The following ADCY2 variants were observed in gnomAD, a reference collection of about 807,000 sequenced individuals.
ADCY2 encodes the protein adenylate cyclase type 2.
ADCY2 carries 31 observed loss-of-function variants against 125.2 expected under a neutral mutation model. The observed-to-expected ratio is 0.25, with a 90% CI of 0.19 to 0.33. ADCY2 has a LOEUF of 0.33. Ranked by LOEUF, ADCY2 falls within the 10% of genes least tolerant of loss-of-function variation. The pLI is 1.00. For synonymous variants in ADCY2, 512 were observed against 548.4 expected, an observed-to-expected ratio of 0.93 and a Z score of 0.93; for missense variants, 904 against 1,418.2, an observed-to-expected ratio of 0.64 and a Z score of 5.82.
chr5:7,707,044 C>G, intron 8 of ADCY2, 142 bp downstream of exon 8: 2 of 1,050,824 alleles, frequency 1.9e-6, no homozygotes, highest in East Asian at 5.2e-5. Context: ...CCAACGGCCT[C>G]TTATGTTAAG....
chr5:7,795,139 G>A (rs1579445054), intron 20 of ADCY2: 1 of 152,198 alleles, frequency 6.6e-6, no homozygotes, highest in Non-Finnish European at 1.5e-5. Context: ...TGAGAGCAAA[G>A]CATCTGTCCC....
At chr5:7,507,174 G>A (rs1743855693) in intron 2 of ADCY2, among the ~76,000 whole-genome samples, 1 of 150,394 alleles carries the variant, frequency 6.6e-6, no homozygotes, top group Non-Finnish European at 1.5e-5. Flanking sequence ...GGGCGCGGTG[G>A]CTCACGCCTG....
chr5:7,557,252 A>G (rs1015332861), intron 3 of ADCY2, among the ~76,000 whole-genome samples: 1 of 140,032 alleles, frequency 7.1e-6, no homozygotes, highest in African/African-American at 2.5e-5. Context: ...GAGATGCTCA[A>G]CCTCCCTAGT....
intron 2 of ADCY2, among the ~76,000 whole-genome samples, chr5:7,516,366 G>A (rs557543936): frequency 6.6e-6 from 1 of 152,302 alleles, no homozygotes; most frequent in East Asian, 1.9e-4. Context: ...GTGTGGGTGT[G>A]TGTTTCTGTA....
chr5:7,628,285 A>G (rs578016150), intron 4 of ADCY2, among the ~76,000 whole-genome samples: 1 of 152,338 alleles, frequency 6.6e-6, no homozygotes, highest in Admixed American at 6.5e-5. Context: ...CTCCTTCAAA[A>G]TAGCACTAAA....
intron 2 of ADCY2, among the ~76,000 whole-genome samples, chr5:7,442,694 T>C (rs1261515049): frequency 6.6e-6 from 1 of 152,220 alleles, no homozygotes. Flanking sequence ...CTTGAAATTA[T>C]CCTGTAAGGA....
intron 2 of ADCY2, among the ~76,000 whole-genome samples, chr5:7,478,271 C>A (rs557765510): frequency 6.6e-6 from 1 of 152,120 alleles, no homozygotes; most frequent in Non-Finnish European, 1.5e-5. Flanking sequence ...AAAGGGTTAA[C>A]AAGGATCTGG....
At chr5:7,668,900 C>G (rs1301897396) in intron 4 of ADCY2, among the ~76,000 whole-genome samples, 4 of 152,158 alleles carry the variant, frequency 2.6e-5, no homozygotes, top group African/African-American at 9.7e-5. Context: ...TGAAATCCAC[C>G]ATAGCTCCAG....
At chr5:7,407,258 A>G (rs974783894) in intron 1 of ADCY2, among the ~76,000 whole-genome samples, 3 of 152,240 alleles carry the variant, frequency 2.0e-5, no homozygotes, top group African/African-American at 7.2e-5. Context: ...GTTTGGGTGG[A>G]AAAGTCAGAA....
chr5:7,615,832 C>A (rs1290464673), intron 3 of ADCY2, among the ~76,000 whole-genome samples: 3 of 152,044 alleles, frequency 2.0e-5, no homozygotes, highest in African/African-American at 7.3e-5. Flanking sequence ...CAGTACGATG[C>A]AGATATTAAG....
At chr5:7,758,683 T>C (rs1388100635) in intron 16 of ADCY2, among the ~76,000 whole-genome samples, 5 of 151,676 alleles carry the variant, frequency 3.3e-5, no homozygotes, top group African/African-American at 1.2e-4. Context: ...ATCAAGTCAT[T>C]CTGAAATGAG....
At chr5:7,690,020 A>G (rs1325487920) in intron 4 of ADCY2, among the ~76,000 whole-genome samples, 4 of 152,250 alleles carry the variant, frequency 2.6e-5, no homozygotes, top group Non-Finnish European at 4.4e-5. Context: ...AATATTGTTT[A>G]CTAATATTTA....
intron 3 of ADCY2, among the ~76,000 whole-genome samples, chr5:7,589,458 AAAAGAAAGAAAGAAAGAAAG>A (rs369587426): frequency 1.2e-3 from 90 of 73,008 alleles, no homozygotes; most frequent in African/African-American, 4.5e-3. Flanking sequence ...GAAGGAAAGA[AAAAGAAAGAAAGAAAGAAAG>A]AAAGAAAGAA....
intron 24 of ADCY2, among the ~76,000 whole-genome samples, chr5:7,820,918 C>T (rs1390869371): frequency 1.3e-5 from 2 of 152,134 alleles, no homozygotes; most frequent in Non-Finnish European, 2.9e-5. Flanking sequence ...TTTGTGAAAA[C>T]AAATGATCCA....
At chr5:7,704,585 CAT>C (rs1272081697) in intron 7 of ADCY2, among the ~76,000 whole-genome samples, 2 of 152,090 alleles carry the variant, frequency 1.3e-5, no homozygotes, top group Admixed American at 6.5e-5. Flanking sequence ...TGCAACAAAA[CAT>C]GTGGCTAGTT....
intron 2 of ADCY2, among the ~76,000 whole-genome samples, chr5:7,420,234 T>G (rs1212701733): frequency 1.3e-5 from 2 of 152,092 alleles, no homozygotes; most frequent in Non-Finnish European, 2.9e-5. Flanking sequence ...AAGCCGCATA[T>G]CACCCAACAT....
rs114466838 is a variant in ADCY2 at position 7,480,475 on chromosome 5, A to G, written c.409-40263A>G. Reference sequence around the variant, plus strand: ...AGGGATATGGATGGACCTGGAGACCATTATCCTTAGAAGACTAATACATGA... The same window carrying G: ...AGGGATATGGATGGACCTGGAGACCGTTATCCTTAGAAGACTAATACATGA... On this transcript the variant is annotated intron_variant, in intron 2 of 24. Transcript: ENST00000338316. Among the ~76,000 whole-genome samples, 620 of 152,328 alleles carry G rather than the reference A, an allele frequency of 4.1e-3. 3 individuals are homozygous for G. Among genetic ancestry groups the G allele is most frequent in the Non-Finnish European group, 6.5e-3 (444 of 68,026 alleles).
intron 18 of ADCY2, among the ~76,000 whole-genome samples, chr5:7,777,055 C>A (rs1225147808): frequency 6.7e-6 from 1 of 149,226 alleles, no homozygotes; most frequent in African/African-American, 2.5e-5. Context: ...AAACTCCCTT[C>A]TATATATATA....
At chr5:7,416,588 A>G (rs547938237) in intron 2 of ADCY2, among the ~76,000 whole-genome samples, 37 of 152,374 alleles carry the variant, frequency 2.4e-4, no homozygotes, top group African/African-American at 8.4e-4. Context: ...TACTATCTAT[A>G]CAAATAAACT....
Sources: allele counts gnomAD v4.1 joint callset (sites outside exome capture counted in the v4.1 genomes callset), GRCh38; gene constraint gnomAD v4.1.1; transcripts MANE v1.5; gene names NCBI Gene and HGNC (gene_info 2026-07-23, HGNC 2026-07-21).